The following USP7 variants were observed in gnomAD, a reference collection of about 807,000 sequenced individuals.
The protein encoded by USP7 is ubiquitin specific peptidase 7, also known as ubiquitin C-terminal hydrolase 7.
USP7 carries 9 observed loss-of-function variants against 162.9 expected under a neutral mutation model. The observed-to-expected ratio is 0.06, with a 90% CI of 0.03 to 0.10. The LOEUF (loss-of-function observed/expected upper bound fraction) is 0.10, where lower values mean the gene tolerates loss of function less well. USP7 is among the 10% of genes least tolerant of loss of function. The pLI, the probability that USP7 is intolerant of heterozygous loss-of-function variation, is 1.00. For missense variants in USP7, 715 were observed against 1,373.7 expected (o/e 0.52, Z 7.58); for synonymous variants, 562 against 475.9 (o/e 1.18, Z -2.35).
At chr16:8,920,230 G>C (rs988454332) in intron 5 of USP7, 129 bp downstream of exon 5, 2 of 759,166 alleles carry the variant, frequency 2.6e-6, no homozygotes, top group African/African-American at 1.7e-5. Context: ...GACTCTGTGT[G>C]CCACAGGGCA....
At chr16:8,904,664 C>T in intron 14 of USP7, 99 bp from the exon 15 acceptor site, 9 of 1,520,728 alleles carry the variant, frequency 5.9e-6, no homozygotes, top group Non-Finnish European at 7.9e-6. Context: ...ATCTATTAGG[C>T]CGGCGTGGTG....
intron 1 of USP7, among the ~76,000 whole-genome samples, chr16:8,938,031 C>T (rs963370870): frequency 1.3e-5 from 2 of 152,048 alleles, no homozygotes; most frequent in Middle Eastern, 3.4e-3. Context: ...CGTCACTGGC[C>T]CCAGGGTAAG....
At chr16:8,946,007 G>C (rs1450141345) in intron 1 of USP7, among the ~76,000 whole-genome samples, 1 of 152,166 alleles carries the variant, frequency 6.6e-6, no homozygotes, top group East Asian at 1.9e-4. Context: ...GAGAATGGAA[G>C]AGTCCAGAAA....
Position 8,903,391 on chromosome 16 carries a change from C to T in USP7, c.1716G>A (p.Glu572=). 6.2e-7 allele frequency: 1 copy of T among 1,613,754 alleles called. No individual in the cohort carries two copies. The highest frequency in any genetic ancestry group is 1.7e-5 in the Admixed American group (1 of 59,988). The part of the protein sequence containing the change: ...HLYMQVQIVA[E]DQFCGHQGND... ...TCCCTTGGTGGCCACAAAACTGGTCCTCTGCGACTATCTGAAAATATGTAT... is the reference window on the plus strand; with the variant it reads ...TCCCTTGGTGGCCACAAAACTGGTCTTCTGCGACTATCTGAAAATATGTAT... Residue 572 remains glutamate, a synonymous_variant, in exon 16 of 31, where the codon GAG becomes GAA. Transcript: ENST00000344836.
At chr16:8,963,082 C>A (rs1466639178) in intron 1 of USP7, 125 bp downstream of exon 1, 2 of 885,528 alleles carry the variant, frequency 2.3e-6, no homozygotes, top group Non-Finnish European at 2.8e-6. Context: ...GGAGGCCAGG[C>A]CGAGGCCCGG....
At chr16:8,961,088 A>G (rs1016808494) in intron 1 of USP7, among the ~76,000 whole-genome samples, 11 of 152,246 alleles carry the variant, frequency 7.2e-5, no homozygotes, top group African/African-American at 2.7e-4. Context: ...CCTTTCTAAT[A>G]CAAACTGTAA....
intron 21 of USP7, chr16:8,900,245 C>T (rs2061752833): frequency 1.5e-5 from 5 of 341,946 alleles, no homozygotes; most frequent in African/African-American, 4.3e-5. Context: ...GTTTCGATTT[C>T]ATAAATCTCA....
intron 21 of USP7, among the ~76,000 whole-genome samples, 183 bp downstream of exon 21, chr16:8,900,347 A>C (rs539907374): frequency 2.6e-4 from 40 of 152,350 alleles, no homozygotes; most frequent in Middle Eastern, 6.8e-3. Flanking sequence ...GAAGAGCTTT[A>C]TGAGATGAAA....
rs745960682 is a variant in USP7, at chr16:8,899,162, G to A, written c.2490C>T (p.Leu830=). The change falls in exon 23 of 31, where the codon CTC becomes CTT. Residue 830 remains leucine (L), a synonymous_variant. Transcript: ENST00000344836. ...ACTGCAGCAACATTGGATCTGTGTT[G>A]AGCCTCTGTGCAACTGTCTTTGCAA... The part of the protein sequence containing the change: ...FQVAKTVAQR[L]NTDPMLLQFF... 1.9e-6 allele frequency: 3 copies of A among 1,614,186 alleles called. No homozygotes were observed. Among genetic ancestry groups the A allele is most frequent in the Non-Finnish European group, 2.5e-6 (3 of 1,180,036 alleles).
intron 1 of USP7, among the ~76,000 whole-genome samples, chr16:8,943,118 G>A (rs1464314226): frequency 1.3e-5 from 2 of 152,118 alleles, no homozygotes; most frequent in Non-Finnish European, 2.9e-5. Context: ...AAGCCCCAAA[G>A]AAGGCCACAT....
At chr16:8,941,823 G>A (rs1025871252) in intron 1 of USP7, among the ~76,000 whole-genome samples, 5 of 152,224 alleles carry the variant, frequency 3.3e-5, no homozygotes, top group South Asian at 2.1e-4. Context: ...TCTGACAGAT[G>A]GGCTGGGCCC....
chr16:8,898,774 A>G, intron 23 of USP7, 135 bp from the exon 24 acceptor site: 1 of 690,192 alleles, frequency 1.4e-6, no homozygotes, highest in Non-Finnish European at 2.4e-6. Flanking sequence ...GGTTTAACTT[A>G]ATACTCCTGT....
chr16:8,903,576 TTATTTA>T (rs1447973884), intron 15 of USP7, among the ~76,000 whole-genome samples, 174 bp from the exon 16 acceptor site: 11 of 152,138 alleles, frequency 7.2e-5, no homozygotes, highest in Non-Finnish European at 1.2e-4. Flanking sequence ...AATCAGGTAT[TTATTTA>T]GAAAAGGAGG....
chr16:8,916,696 G>A, intron 7 of USP7, 140 bp from the exon 8 acceptor site: 3 of 908,266 alleles, frequency 3.3e-6, no homozygotes, highest in South Asian at 1.8e-5. Flanking sequence ...ATTTTTGGGA[G>A]TCATAATTCA....
rs149060714 is a variant in USP7 at position 8,913,516 on chromosome 16, T to C, written c.1078+1738A>G. On this transcript the variant is annotated intron_variant, in intron 10 of 30. Coordinates refer to ENST00000344836, the MANE Select transcript of USP7 (RefSeq NM_003470.3). ...GCGAGCAAGAAGACGGTAGAACGTC[T>C]AACAGACCGAAGGAAGGAACCTGCC... Among the ~76,000 whole-genome samples, 85 of 152,074 alleles carry C rather than the reference T, an allele frequency of 5.6e-4. 1 individual carries two copies. The highest frequency in any genetic ancestry group is 1.9e-3 in the African/African-American group (80 of 41,380).
intron 6 of USP7, 133 bp from the exon 7 acceptor site, chr16:8,917,289 T>C (rs1897423961): frequency 9.3e-7 from 1 of 1,075,416 alleles, no homozygotes; most frequent in East Asian, 2.8e-5. Flanking sequence ...TGTTAGGGCT[T>C]TTAACGATCC....
At chr16:8,931,140 G>GTA (rs1011061766) in intron 1 of USP7, among the ~76,000 whole-genome samples, 1 of 151,542 alleles carries the variant, frequency 6.6e-6, no homozygotes, top group Non-Finnish European at 1.5e-5. Context: ...TATGCAAATG[G>GTA]TATACATTAA....
At chr16:8,896,896 G>C in intron 26 of USP7, 103 bp downstream of exon 26, 1 of 865,418 alleles carries the variant, frequency 1.2e-6, no homozygotes, top group Non-Finnish European at 2.0e-6. Context: ...GGAATGACGC[G>C]CATGGATCCC....
At chr16:8,916,774 T>C (rs971279255) in intron 7 of USP7, among the ~76,000 whole-genome samples, 2 of 152,136 alleles carry the variant, frequency 1.3e-5, no homozygotes, top group African/African-American at 4.8e-5. Flanking sequence ...GCAGTACAGG[T>C]TCTTGTGTTG....
Sources: allele counts gnomAD v4.1 joint callset (sites outside exome capture counted in the v4.1 genomes callset), GRCh38; gene constraint gnomAD v4.1.1; transcripts MANE v1.5; gene names NCBI Gene and HGNC (gene_info 2026-07-23, HGNC 2026-07-21).